PRG4: variants seen among roughly 807,000 people sequenced by gnomAD.
PRG4 encodes proteoglycan 4.
Under a neutral mutation model 91.2 loss-of-function variants are expected in PRG4, and 61 were observed. The ratio of observed to expected loss-of-function variants is 0.67; its 90% confidence interval spans 0.54 to 0.83. The LOEUF is 0.83. Ranked by LOEUF, PRG4 falls within the 40% of genes least tolerant of loss-of-function variation. The pLI, the probability that PRG4 is intolerant of heterozygous loss-of-function variation, is 0.00. For synonymous variants in PRG4, 576 were observed against 614.2 expected (o/e 0.94, Z 0.92); for missense variants, 1,564 against 1,714.2 (o/e 0.91, Z 1.55).
intron 9 of PRG4, 64 bp downstream of exon 9, chr1:186,311,234 CAT>C (rs1657197975): frequency 6.6e-7 from 1 of 1,523,324 alleles, no homozygotes; most frequent in East Asian, 2.3e-5. Context: ...TTTATTACAA[CAT>C]ATATTGCCTT....
rs752661551 is a variant in PRG4 at position 186,313,944 on chromosome 1, TCA to T, written c.*169_*170del. The T allele has an allele frequency of 1.2e-6, 2 of 1,605,202 alleles. No homozygotes were observed. Among genetic ancestry groups the T allele is most frequent in the Non-Finnish European group, 1.7e-6 (2 of 1,173,414 alleles). ...ACTAAAACAGATTTGATAATCTTAT[TCA>T]CAGTTGTTATTGTTTACAGACCATT... On this transcript the variant is annotated 3_prime_UTR_variant, in exon 13 of 13. Coordinates refer to ENST00000445192, the MANE Select transcript of PRG4 (RefSeq NM_005807.6).
In PRG4 at chr1:186,308,317, T is replaced by G; in HGVS notation, c.2598T>G (p.Pro866=). Residue 866 remains proline, a synonymous_variant, in exon 7 of 13, where the codon CCT becomes CCG. Coordinates refer to ENST00000445192, the MANE Select transcript of PRG4 (RefSeq NM_005807.6). ...CTACTCCAACTACCACCAAGGAGCC[T>G]ACCACTATCCACAAAAGCCCTGATG... ...EVSTPTTTKE[P]TTIHKSPDES... 6.2e-7 allele frequency: 1 copy of G among 1,613,930 alleles called. No homozygotes were observed.
intron 5 of PRG4, 93 bp downstream of exon 5, chr1:186,304,350 T>C (rs1311942371): frequency 2.1e-6 from 3 of 1,414,624 alleles, no homozygotes; most frequent in Non-Finnish European, 3.0e-6. Flanking sequence ...GAGAACAGGG[T>C]AATCTTAGGA....
chr1:186,303,675 T>C (rs1656363889), intron 4 of PRG4, among the ~76,000 whole-genome samples: 1 of 151,904 alleles, frequency 6.6e-6, no homozygotes, highest in African/African-American at 2.4e-5. Flanking sequence ...AAAAGGCAAA[T>C]TGGCATCATT....
In PRG4 at chr1:186,304,878, C is replaced by T; in HGVS notation, c.554C>T (p.Ser185Phe). 1 of 1,613,368 alleles carries T rather than the reference C, an allele frequency of 6.2e-7. No homozygotes were observed. Among genetic ancestry groups the T allele is most frequent in the Non-Finnish European group, 8.5e-7 (1 of 1,179,568 alleles). The change falls in exon 6 of 13, where the codon TCC (serine) becomes TTC (phenylalanine). Residue 185 changes from serine to phenylalanine, a missense_variant. Around this residue, in one of 3 missense-constraint regions of PRG4, gnomAD observed 437 missense variants for 459.0 expected, o/e 0.95. Transcript: ENST00000445192. ...SSSTIRKIKS[S>F]KNSAANRELQ... ...TCAACAATTCGGAAAATCAAGTCTTCCAAAAATTCAGCTGCTAATAGAGAA... is the reference window on the plus strand; with the variant it reads ...TCAACAATTCGGAAAATCAAGTCTTTCAAAAATTCAGCTGCTAATAGAGAA...
Position 186,312,175 on chromosome 1 carries a change from GT to G in PRG4, c.3795del (p.Gly1266AlafsTer23), listed in dbSNP as rs759630200. ...CATGTGATATTCTAATACATAACAGGTGGCAGCATTCAGCAGTATATTTATA... is the reference window on the plus strand; with the variant it reads ...CATGTGATATTCTAATACATAACAGGGGCAGCATTCAGCAGTATATTTATA... ...WPESVYFFKR[G>X]GSIQQYIYKQ... On this transcript the variant is annotated frameshift_variant and splice_region_variant, in exon 11 of 13. Transcript: ENST00000445192. LOFTEE classifies it high-confidence loss of function. 6.2e-7 allele frequency: 1 copy of G among 1,613,218 alleles called. No homozygotes were observed. The highest frequency in any genetic ancestry group is 1.1e-5 in the South Asian group (1 of 91,056).
Position 186,314,224 on chromosome 1 carries a change from T to C in PRG4, c.*446T>C, listed in dbSNP as rs569423472. On this transcript the variant is annotated 3_prime_UTR_variant, in exon 13 of 13. Coordinates refer to ENST00000445192, the MANE Select transcript of PRG4 (RefSeq NM_005807.6). ...ACACAAGTACAATCTAAAAGTTATA[T>C]TGGAAAACATGGAAATATTAAAATT... is the stretch of plus-strand genomic sequence containing the variant. The C allele has an allele frequency of 1.6e-5, 8 of 512,448 alleles. No individual in the cohort carries two copies. The highest frequency in any genetic ancestry group is 5.2e-4 in the Middle Eastern group (1 of 1,910). 31.7% of individuals were successfully genotyped at this position (512,448 alleles called of 1,614,324 possible).
rs1656643996 is a variant in PRG4, at chr1:186,306,963, C to A, written c.1244C>A (p.Thr415Asn). The A allele has an allele frequency of 1.9e-6, 3 of 1,605,146 alleles. 1 individual carries two copies. In the Middle Eastern group the frequency reaches 5.2e-4, roughly 278 times the overall value. ...ACCACTCCCAAGGAGCCTGCACCCACCACCACCAAGGAGCCTGCACCCACC... is the reference window on the plus strand; with the variant it reads ...ACCACTCCCAAGGAGCCTGCACCCAACACCACCAAGGAGCCTGCACCCACC... The part of the protein sequence containing the change: ...APTTPKEPAP[T>N]TTKEPAPTTT... The change falls in exon 7 of 13, where the codon ACC becomes AAC. Residue 415 changes from threonine to asparagine, a missense_variant. By Grantham distance (65) the Thr-to-Asn change is moderately conservative. Transcript: ENST00000445192.
In PRG4 at chr1:186,308,236, C is replaced by T; in HGVS notation, c.2517C>T (p.Pro839=). 2 of 1,613,268 alleles carry T rather than the reference C, an allele frequency of 1.2e-6. No homozygotes were observed. Among genetic ancestry groups the T allele is most frequent in the East Asian group, 4.5e-5 (2 of 44,822 alleles). Residue 839 remains proline (P), a synonymous_variant, in exon 7 of 13, where the codon CCC becomes CCT. Transcript: ENST00000445192. ...CCAAGGAGCCTGCACCCACTACCCC[C>T]AAGAAGCCTGCTCCAACTACTCCTG... The part of the protein sequence containing the change: ...TTPKEPAPTT[P]KKPAPTTPET...
chr1:186,309,972 G>T, intron 8 of PRG4, 102 bp downstream of exon 8: 1 of 919,194 alleles, frequency 1.1e-6, no homozygotes, highest in Non-Finnish European at 1.8e-6. Context: ...TTTCTGGAGG[G>T]GAATCTGATT....
At chr1:186,311,687 T>C (rs1335333803) in intron 10 of PRG4, 91 bp downstream of exon 10, 19 of 1,314,588 alleles carry the variant, frequency 1.4e-5, no homozygotes, top group Non-Finnish European at 1.7e-5. Flanking sequence ...TCAAAAGATA[T>C]CTTTAATGGC....
intron 3 of PRG4, 36 bp from the exon 4 acceptor site, chr1:186,301,556 T>A: frequency 6.2e-7 from 1 of 1,613,056 alleles, no homozygotes; most frequent in Non-Finnish European, 8.5e-7. Flanking sequence ...GGCTTCACAA[T>A]GAATAATCTG....
intron 12 of PRG4, 32 bp downstream of exon 12, chr1:186,312,926 G>T (rs1046432362): frequency 3.8e-6 from 6 of 1,592,790 alleles, no homozygotes; most frequent in Admixed American, 3.3e-5. Context: ...TCCCAAGGAG[G>T]TGATATCATT....
At position 186,307,654 on chromosome 1, in the gene PRG4, T is replaced by G; in HGVS notation, c.1935T>G (p.Pro645=). ...CTGAGAAGCCCGCACCCACCACCCC[T>G]GAGGAGCTCGCACCCACCACCCCTG... ...TTPEKPAPTT[P]EELAPTTPEE... The change falls in exon 7 of 13, where the codon CCT becomes CCG. Residue 645 remains proline, a synonymous_variant. Transcript: ENST00000445192. 9.4e-7 allele frequency: 1 copy of G among 1,059,480 alleles called. No individual in the cohort carries two copies. Among genetic ancestry groups the G allele is most frequent in the South Asian group, 1.9e-5 (1 of 52,484 alleles). The allele number at this position is 1,059,480 out of a possible 1,614,324, so 65.6% of individuals were successfully genotyped here.
chr1:186,305,277 T>C (rs1656484484), intron 6 of PRG4, among the ~76,000 whole-genome samples: 1 of 152,244 alleles, frequency 6.6e-6, no homozygotes, highest in Non-Finnish European at 1.5e-5. Flanking sequence ...TTCCCCAGCT[T>C]TATTTTAACA....
intron 6 of PRG4, among the ~76,000 whole-genome samples, 178 bp downstream of exon 6, chr1:186,305,100 G>A (rs758103886): frequency 1.3e-5 from 2 of 152,098 alleles, no homozygotes; most frequent in African/African-American, 2.4e-5. Context: ...AGTGCCAAGC[G>A]GCTAAGAAGC....
At chr1:186,310,944 A>G (rs537657761) in intron 8 of PRG4, 90 bp from the exon 9 acceptor site, 3 of 1,442,242 alleles carry the variant, frequency 2.1e-6, no homozygotes, top group South Asian at 1.2e-5. Flanking sequence ...CATACAATGC[A>G]TAAGAAAACT....
chr1:186,309,911 TTTTGGCA>T, intron 8 of PRG4, 41 bp downstream of exon 8: 1 of 1,557,646 alleles, frequency 6.4e-7, no homozygotes, highest in Non-Finnish European at 8.9e-7. Flanking sequence ...CATCATTCTG[TTTTGGCA>T]TTTATGAGAA....
intron 3 of PRG4, 121 bp from the exon 4 acceptor site, chr1:186,301,471 T>TA: frequency 7.1e-7 from 1 of 1,416,452 alleles, no homozygotes; most frequent in Non-Finnish European, 9.8e-7. Flanking sequence ...AAATTTCAAA[T>TA]AAAAGACTTA....
Sources: gnomAD v4.1 joint callset for allele counts (sites outside exome capture counted in the v4.1 genomes callset) on GRCh38, gnomAD v4.1.1 for gene constraint, gnomAD v4.1.1 regional missense constraint, MANE v1.5 for transcripts, NCBI Gene and HGNC (gene_info 2026-07-23, HGNC 2026-07-21) for gene names.